Variants in DEFA5 observed in about 807,000 individuals in gnomAD.
DEFA5 encodes HD5(20-94).
A neutral mutation model predicts 8.7 loss-of-function variants in DEFA5; 11 were observed. The observed-to-expected ratio is 1.26, with a 90% CI of 0.80 to 2.09. The LOEUF (loss-of-function observed/expected upper bound fraction) is 2.09, where lower values mean the gene tolerates loss of function less well. Ranked by LOEUF, DEFA5 falls within the 30% of genes most tolerant of loss-of-function variation. The pLI, the probability that DEFA5 is intolerant of heterozygous loss-of-function variation, is 0.00. For missense variants in DEFA5, 181 were observed against 117.2 expected, an observed-to-expected ratio of 1.54 and a Z score of -2.52; for synonymous variants, 52 against 43.9, an observed-to-expected ratio of 1.18 and a Z score of -0.73.
In DEFA5 at chr8:7,056,579, T is replaced by C; in HGVS notation, c.119A>G (p.Gln40Arg). ...TCCTGCAAAGGAGATAGCAAGGTCC[T>C]GGTTGTCTTCCCCAGACTGCTTCTG... is the stretch of plus-strand genomic sequence containing the variant. ...TTQKQSGEDN[Q>R]DLAISFAGNG... Residue 40 changes from glutamine to arginine, a missense_variant, in exon 1 of 2, where the codon CAG (glutamine) becomes CGG (arginine). Transcript: ENST00000330590. 6.2e-7 allele frequency: 1 copy of C among 1,614,090 alleles called. No homozygotes were observed. The highest frequency in any genetic ancestry group is 8.5e-7 in the Non-Finnish European group (1 of 1,179,936).
chr8:7,056,014 CTTTTTT>C (rs56220551), intron 1 of DEFA5, among the ~76,000 whole-genome samples: 15,318 of 113,030 alleles, frequency 0.14, 1,151 homozygotes, highest in Non-Finnish European at 0.18. Context: ...TCTGTCTCTC[CTTTTTT>C]TTTTTTTTTT....
At chr8:7,055,797 C>G (rs528262500) in intron 1 of DEFA5, among the ~76,000 whole-genome samples, 11 of 152,164 alleles carry the variant, frequency 7.2e-5, no homozygotes, top group Non-Finnish European at 1.5e-4. Flanking sequence ...CAATATACCT[C>G]TCAACCTCAG....
At chr8:7,056,168 A>C (rs1812422833) in intron 1 of DEFA5, among the ~76,000 whole-genome samples, 2 of 152,088 alleles carry the variant, frequency 1.3e-5, no homozygotes, top group Non-Finnish European at 2.9e-5. Flanking sequence ...CCTACATCAA[A>C]ACACACCTAT....
In DEFA5 at chr8:7,055,476, C is replaced by G. The variant is rs377496786; in HGVS notation, c.240G>C (p.Gly80=). The G allele has an allele frequency of 1.2e-6, 2 of 1,613,862 alleles. No individual in the cohort carries two copies. The highest frequency in any genetic ancestry group is 2.7e-5 in the African/African-American group (2 of 75,018). Residue 80 remains glycine (G), a synonymous_variant, in exon 2 of 2, where the codon GGG becomes GGC. Coordinates refer to ENST00000330590, the MANE Select transcript of DEFA5 (RefSeq NM_021010.3). ...GRCATRESLS[G]VCEISGRLYR... ...AGAGGCGGCCACTGATTTCACACAC[C>G]CCGGAGAGGGACTCACGGGTAGCAC...
chr8:7,055,658 G>C (rs532204520), intron 1 of DEFA5, 115 bp from the exon 2 acceptor site: 12 of 689,758 alleles, frequency 1.7e-5, no homozygotes, highest in African/African-American at 8.9e-5. Context: ...TGTTAGGATG[G>C]AGAAAATTCA....
intron 1 of DEFA5, among the ~76,000 whole-genome samples, chr8:7,055,906 G>C (rs925810849): frequency 1.3e-5 from 2 of 151,502 alleles, no homozygotes; most frequent in Admixed American, 6.6e-5. Context: ...ACCTGAATCA[G>C]TTTCTGAAAT....
chr8:7,055,391 G>C lies in DEFA5; in HGVS notation c.*40C>G, dbSNP rs1812378502. The C allele has an allele frequency of 1.3e-6, 2 of 1,505,536 alleles. No individual in the cohort carries two copies. Among genetic ancestry groups the C allele is most frequent in the African/African-American group, 1.4e-5 (1 of 73,046 alleles). 93.3% of individuals were successfully genotyped at this position (1,505,536 alleles called of 1,614,324 possible). On this transcript the variant is annotated 3_prime_UTR_variant, in exon 2 of 2. Transcript: ENST00000330590. ...AATGTTTTTCTTTTTTCAGGACCTT[G>C]AACTGAATCTTGCACTGCTTTGGTT...
rs757111384 is a variant in DEFA5, at chr8:7,056,650, C to T, written c.48G>A (p.Gln16=). 2 of 1,613,874 alleles carry T rather than the reference C, an allele frequency of 1.2e-6. No individual in the cohort carries two copies. The highest frequency in any genetic ancestry group is 1.7e-6 in the Non-Finnish European group (2 of 1,179,834). The change falls in exon 1 of 2, where the codon CAG becomes CAA. Residue 16 remains glutamine (Q), a synonymous_variant. Transcript: ENST00000330590. ...ILAAILLVAL[Q]AQAESLQERA... is the part of the protein sequence containing the mutation. ...TTTCCTGGAGTGACTCAGCCTGGGCCTGCAGGGCCACCAGGAGAATGGCAG... is the reference window on the plus strand; with the variant it reads ...TTTCCTGGAGTGACTCAGCCTGGGCTTGCAGGGCCACCAGGAGAATGGCAG...
intron 1 of DEFA5, among the ~76,000 whole-genome samples, 172 bp from the exon 2 acceptor site, chr8:7,055,715 C>T (rs944784795): frequency 6.6e-6 from 1 of 152,186 alleles, no homozygotes; most frequent in African/African-American, 2.4e-5. Flanking sequence ...ATGTGTTAGT[C>T]ATGCAAGATC....
Position 7,055,388 on chromosome 8 carries a change from C to G in DEFA5, c.*43G>C, listed in dbSNP as rs746673967. On this transcript the variant is annotated 3_prime_UTR_variant, in exon 2 of 2. Transcript: ENST00000330590. ...TAAAATGTTTTTCTTTTTTCAGGAC[C>G]TTGAACTGAATCTTGCACTGCTTTG... is the stretch of plus-strand genomic sequence containing the variant. 6.7e-7 allele frequency: 1 copy of G among 1,494,738 alleles called. No individual in the cohort carries two copies. The highest frequency in any genetic ancestry group is 9.3e-7 in the Non-Finnish European group (1 of 1,076,916). The allele number at this position is 1,494,738 out of a possible 1,614,324, so 92.6% of individuals were successfully genotyped here.
Position 7,056,602 on chromosome 8 carries a change from C to A in DEFA5, c.96G>T (p.Gln32His). 6.2e-7 allele frequency: 1 copy of A among 1,614,194 alleles called. No homozygotes were observed. The highest frequency in any genetic ancestry group is 1.1e-5 in the South Asian group (1 of 91,076). Residue 32 changes from glutamine (Q) to histidine (H), a missense_variant, in exon 1 of 2, where the codon CAG becomes CAT. By Grantham distance (24) the Gln-to-His change is conservative. Transcript: ENST00000330590. ...CCTGGTTGTCTTCCCCAGACTGCTT[C>A]TGGGTTGTAGCCTCATCAGCTCTTT... is the stretch of plus-strand genomic sequence containing the variant. ...LQERADEATT[Q>H]KQSGEDNQDL...
chr8:7,055,547 T>G lies in DEFA5; in HGVS notation c.173-4A>C, dbSNP rs1340980258. 18 of 1,605,442 alleles carry G rather than the reference T, an allele frequency of 1.1e-5. No individual in the cohort carries two copies. Among genetic ancestry groups the G allele is most frequent in the Admixed American group, 1.7e-5 (1 of 59,442 alleles). ...CAGGTGGCTCTTGCCTGAGAACCTGTGGAAAGAAGAGAGGGTCAGGCACAG... is the reference window on the plus strand; with the variant it reads ...CAGGTGGCTCTTGCCTGAGAACCTGGGGAAAGAAGAGAGGGTCAGGCACAG... On this transcript the variant is annotated splice_region_variant and splice_polypyrimidine_tract_variant and intron_variant, in intron 1 of 1. Transcript: ENST00000330590.
In DEFA5 at chr8:7,056,537, A is replaced by G; in HGVS notation, c.161T>C (p.Leu54Pro). 5 of 1,611,148 alleles carry G rather than the reference A, an allele frequency of 3.1e-6. No individual in the cohort carries two copies. Among genetic ancestry groups the G allele is most frequent in the Non-Finnish European group, 3.4e-6 (4 of 1,177,834 alleles). ...TTGATGTCTCCTACCTGAGGTTCTA[A>G]GAGCAGAGAGTCCATTTCCTGCAAA... ...ISFAGNGLSA[L>P]RTSGSQARAT... The change falls in exon 1 of 2, where the codon CTT becomes CCT. Residue 54 changes from leucine to proline, a missense_variant. Transcript: ENST00000330590.
chr8:7,056,218 A>G (rs565919007), intron 1 of DEFA5, among the ~76,000 whole-genome samples: 59 of 152,240 alleles, frequency 3.9e-4, no homozygotes, highest in African/African-American at 1.3e-3. Flanking sequence ...CCAATGGACA[A>G]AGTAAAACAC....
In DEFA5 at chr8:7,055,390, T is replaced by G. The variant is rs201217536; in HGVS notation, c.*41A>C. 2.7e-5 allele frequency: 40 copies of G among 1,505,508 alleles called. No homozygotes were observed. The African/African-American group carries it at 4.7e-4, about 18-fold the overall frequency. The allele number at this position is 1,505,508 out of a possible 1,614,324, so 93.3% of individuals were successfully genotyped here. A position where few individuals can be genotyped will look rare whatever the true frequency, so the allele number is the denominator to read the frequency against. On this transcript the variant is annotated 3_prime_UTR_variant, in exon 2 of 2. Transcript: ENST00000330590. The stretch of plus-strand genomic sequence containing the variant: ...AAATGTTTTTCTTTTTTCAGGACCT[T>G]GAACTGAATCTTGCACTGCTTTGGT...
chr8:7,055,464 G>A lies in DEFA5; in HGVS notation c.252C>T (p.Ile84=), dbSNP rs780969654. ...AGCAGAGTCTGTAGAGGCGGCCACT[G>A]ATTTCACACACCCCGGAGAGGGACT... is the stretch of plus-strand genomic sequence containing the variant. ...TRESLSGVCE[I]SGRLYRLCCR The change falls in exon 2 of 2, where the codon ATC becomes ATT. Residue 84 remains isoleucine, a synonymous_variant. Transcript: ENST00000330590. The A allele has an allele frequency of 2.5e-6, 4 of 1,613,918 alleles. No homozygotes were observed. Among genetic ancestry groups the A allele is most frequent in the Non-Finnish European group, 3.4e-6 (4 of 1,179,950 alleles).
intron 1 of DEFA5, among the ~76,000 whole-genome samples, chr8:7,055,877 T>C (rs1418537685): frequency 6.6e-6 from 1 of 152,160 alleles, no homozygotes; most frequent in Non-Finnish European, 1.5e-5. Context: ...TTCCAGGTCC[T>C]AACAAGGCTC....
chr8:7,056,277 G>C (rs535060202), intron 1 of DEFA5, among the ~76,000 whole-genome samples: 1 of 152,132 alleles, frequency 6.6e-6, no homozygotes, highest in South Asian at 2.1e-4. Flanking sequence ...GAACTAGTCA[G>C]TGTAGCTCTT....
chr8:7,055,614 G>C, intron 1 of DEFA5, 71 bp from the exon 2 acceptor site: 5 of 969,854 alleles, frequency 5.2e-6, no homozygotes, highest in Non-Finnish European at 8.1e-6. Context: ...CAGACTAACT[G>C]AGATAGTCTA....
Sources: allele counts gnomAD v4.1 joint callset (sites outside exome capture counted in the v4.1 genomes callset), GRCh38; gene constraint gnomAD v4.1.1; transcripts MANE v1.5; gene names NCBI Gene and HGNC (gene_info 2026-07-23, HGNC 2026-07-21).